The following THSD7A variants were observed in gnomAD, a reference collection of about 807,000 sequenced individuals.
The protein encoded by THSD7A is thrombospondin type-1 domain-containing protein 7A.
THSD7A carries 96 observed loss-of-function variants against 231.3 expected under a neutral mutation model. That is an observed-to-expected ratio of 0.41 (90% CI 0.35 to 0.49). The LOEUF (loss-of-function observed/expected upper bound fraction) is 0.49, where lower values mean the gene tolerates loss of function less well. Ranked by LOEUF, THSD7A falls within the 20% of genes least tolerant of loss-of-function variation. THSD7A has a pLI of 0.05. For missense variants in THSD7A, 2,290 were observed against 2,070.2 expected, an observed-to-expected ratio of 1.11 and a Z score of -2.06; for synonymous variants, 940 against 743.3, an observed-to-expected ratio of 1.26 and a Z score of -4.30.
At chr7:11,797,295 T>C (rs1013872934) in intron 1 of THSD7A, among the ~76,000 whole-genome samples, 1 of 152,132 alleles carries the variant, frequency 6.6e-6, no homozygotes, top group Non-Finnish European at 1.5e-5. Context: ...GTGTTATTTA[T>C]GACAATCTAA....
chr7:11,628,895 T>C (rs1465793912), intron 2 of THSD7A, among the ~76,000 whole-genome samples: 1 of 152,130 alleles, frequency 6.6e-6, no homozygotes, highest in African/African-American at 2.4e-5. Flanking sequence ...TTCAGAAAAG[T>C]TCGTAAAAGG....
intron 13 of THSD7A, among the ~76,000 whole-genome samples, chr7:11,443,839 C>T (rs892983289): frequency 6.6e-6 from 1 of 151,916 alleles, no homozygotes. Flanking sequence ...TCACCTCAAA[C>T]ATTTATCATT....
intron 1 of THSD7A, among the ~76,000 whole-genome samples, chr7:11,678,358 A>G (rs1783725705): frequency 6.6e-6 from 1 of 152,198 alleles, no homozygotes; most frequent in African/African-American, 2.4e-5. Context: ...GCAGAACTGA[A>G]GGAGATAGAG....
chr7:11,802,148 T>C (rs1040319513), intron 1 of THSD7A, among the ~76,000 whole-genome samples: 7 of 152,184 alleles, frequency 4.6e-5, no homozygotes, highest in African/African-American at 1.7e-4. Flanking sequence ...ATTATTCCCT[T>C]GCTCCATACT....
rs573647896 is a variant in THSD7A, at chr7:11,642,840, C to A, written c.191-5879G>T. Among the ~76,000 whole-genome samples the A allele has an allele frequency of 1.1e-3, 173 of 152,182 alleles. 2 individuals carry two copies. Among genetic ancestry groups the A allele is most frequent in the Middle Eastern group, 6.8e-3 (2 of 294 alleles). On this transcript the variant is annotated intron_variant, in intron 1 of 27. Coordinates refer to ENST00000423059, the MANE Select transcript of THSD7A (RefSeq NM_015204.3). ...GAGGATTTTATAATGTGCCTATCCT[C>A]TTGATATCGTTCAAAACTGTCTCTT...
intron 1 of THSD7A, among the ~76,000 whole-genome samples, chr7:11,796,553 T>C (rs1222828445): frequency 6.6e-6 from 1 of 152,022 alleles, no homozygotes; most frequent in African/African-American, 2.4e-5. Context: ...ATGCAGTCTT[T>C]GTTTGATGTT....
chr7:11,629,902 T>C (rs1781593981), intron 2 of THSD7A, among the ~76,000 whole-genome samples: 1 of 152,206 alleles, frequency 6.6e-6, no homozygotes. Flanking sequence ...ATTTTTAGGC[T>C]CTCTCCCTCT....
chr7:11,417,692 A>T, intron 16 of THSD7A, 89 bp from the exon 17 acceptor site: 1 of 1,355,862 alleles, frequency 7.4e-7, no homozygotes, highest in South Asian at 1.5e-5. Flanking sequence ...AACCCACAGG[A>T]CAGATGGTTC....
At chr7:11,807,489 A>C (rs1416454985) in intron 1 of THSD7A, among the ~76,000 whole-genome samples, 1 of 152,176 alleles carries the variant, frequency 6.6e-6, no homozygotes, top group Non-Finnish European at 1.5e-5. Flanking sequence ...AGAATATATA[A>C]AATAAAGTAA....
At chr7:11,693,343 T>G (rs1463596187) in intron 1 of THSD7A, among the ~76,000 whole-genome samples, 2 of 151,568 alleles carry the variant, frequency 1.3e-5, no homozygotes, top group African/African-American at 4.8e-5. Context: ...TATCATTTTA[T>G]ACTTCACAGA....
intron 4 of THSD7A, among the ~76,000 whole-genome samples, chr7:11,570,544 A>G (rs1326580883): frequency 6.6e-6 from 1 of 152,244 alleles, no homozygotes; most frequent in Non-Finnish European, 1.5e-5. Context: ...AATATCCTAA[A>G]TACCCTGTTT....
intron 1 of THSD7A, among the ~76,000 whole-genome samples, chr7:11,803,748 T>C (rs1005453301): frequency 6.6e-6 from 1 of 152,154 alleles, no homozygotes; most frequent in Admixed American, 6.6e-5. Flanking sequence ...TAGAATCACC[T>C]GATGAGCTTT....
intron 23 of THSD7A, among the ~76,000 whole-genome samples, chr7:11,382,910 G>A (rs980258775): frequency 6.8e-6 from 1 of 147,010 alleles, no homozygotes. Context: ...GAGAATAACT[G>A]TATATATATA....
In THSD7A at chr7:11,407,414, C is replaced by G. The variant is rs1452259220; in HGVS notation, c.3808G>C (p.Glu1270Gln). Reference sequence around the variant, plus strand: ...GACGTGTTCATCTGCCAGTTCTTCTCCAAGCCAAGCTGGAAGAACAGAGGT... The same window carrying G: ...GACGTGTTCATCTGCCAGTTCTTCTGCAAGCCAAGCTGGAAGAACAGAGGT... ...DLKYCEALGL[E>Q]KNWQMNTSCM... The change falls in exon 20 of 28, where the codon GAG becomes CAG. Residue 1270 changes from glutamate (E) to glutamine (Q), a missense_variant. Transcript: ENST00000423059. 1 of 1,612,324 alleles carries G rather than the reference C, an allele frequency of 6.2e-7. No homozygotes were observed. Among genetic ancestry groups the G allele is most frequent in the East Asian group, 2.2e-5 (1 of 44,826 alleles).
In THSD7A at chr7:11,377,799, T is replaced by C. The variant is rs1782337152; in HGVS notation, c.4802-1142A>G. 1 of 152,096 alleles carries C rather than the reference T, an allele frequency of 6.6e-6. No homozygotes were observed. The highest frequency in any genetic ancestry group is 1.5e-5 in the Non-Finnish European group (1 of 67,996). 9.4% of individuals were successfully genotyped at this position (152,096 alleles called of 1,614,324 possible). On this transcript the variant is annotated intron_variant, in intron 26 of 27. Coordinates refer to ENST00000423059, the MANE Select transcript of THSD7A (RefSeq NM_015204.3). The surrounding 1 kb of genome is among the most constrained non-coding windows in gnomAD (Gnocchi z 4.5). ...GTTTTCAGAACATGCACCTTTTAAATATTTTAAAATTTTAACTTTGGGGAA... is the reference window on the plus strand; with the variant it reads ...GTTTTCAGAACATGCACCTTTTAAACATTTTAAAATTTTAACTTTGGGGAA...
intron 6 of THSD7A, among the ~76,000 whole-genome samples, chr7:11,496,417 G>A (rs1195902903): frequency 6.6e-6 from 1 of 152,130 alleles, no homozygotes; most frequent in Non-Finnish European, 1.5e-5. Context: ...TAAGGATTAG[G>A]AAATGAGGCC....
At chr7:11,551,826 A>T (rs927798404) in intron 4 of THSD7A, among the ~76,000 whole-genome samples, 1 of 152,142 alleles carries the variant, frequency 6.6e-6, no homozygotes, top group Non-Finnish European at 1.5e-5. Flanking sequence ...CATTTGACCC[A>T]GCCATCCTAC....
chr7:11,596,744 C>G (rs1780375284), intron 2 of THSD7A, among the ~76,000 whole-genome samples: 1 of 152,214 alleles, frequency 6.6e-6, no homozygotes, highest in African/African-American at 2.4e-5. Context: ...TGGAGAATGA[C>G]AGTGGATTAT....
At chr7:11,749,226 G>A (rs1314716526) in intron 1 of THSD7A, among the ~76,000 whole-genome samples, 1 of 151,932 alleles carries the variant, frequency 6.6e-6, no homozygotes, top group Non-Finnish European at 1.5e-5. Flanking sequence ...CTGTTTTCAG[G>A]GTCAAGGAGT....
Sources: gnomAD v4.1 joint callset for allele counts (sites outside exome capture counted in the v4.1 genomes callset) on GRCh38, gnomAD v4.1.1 for gene constraint, Gnocchi (gnomAD v3.1) non-coding constraint, MANE v1.5 for transcripts, NCBI Gene and HGNC (gene_info 2026-07-23, HGNC 2026-07-21) for gene names.